Variants in PPP4R4 observed in about 807,000 individuals in gnomAD.
PPP4R4 encodes the protein protein phosphatase 4 regulatory subunit 4, also known as serine/threonine-protein phosphatase 4 regulatory subunit 4.
Under a neutral mutation model 121.8 loss-of-function variants are expected in PPP4R4, and 70 were observed. That is an observed-to-expected ratio of 0.57 (90% confidence interval 0.47 to 0.70). The LOEUF (loss-of-function observed/expected upper bound fraction) is 0.70. Among genes scored for constraint, PPP4R4 ranks in the 30% least tolerant of loss-of-function variants. PPP4R4 has a pLI of 0.00. For synonymous variants in PPP4R4, 348 were observed against 355.7 expected, an observed-to-expected ratio of 0.98 and a Z score of 0.24; for missense variants, 875 against 1,033.6, an observed-to-expected ratio of 0.85 and a Z score of 2.10.
chr14:94,208,988 A>T (rs111978190), intron 3 of PPP4R4, among the ~76,000 whole-genome samples: 3 of 151,974 alleles, frequency 2.0e-5, no homozygotes, highest in Non-Finnish European at 4.4e-5. Context: ...TCAGATAAAG[A>T]TTGAATTATA....
intron 23 of PPP4R4, among the ~76,000 whole-genome samples, chr14:94,271,637 C>G (rs186007781): frequency 1.3e-5 from 2 of 152,252 alleles, no homozygotes; most frequent in East Asian, 3.9e-4. Flanking sequence ...TTTTTACCAT[C>G]ATACTGGAAG....
chr14:94,254,102 A>G (rs766142359), intron 16 of PPP4R4, among the ~76,000 whole-genome samples: 1 of 152,200 alleles, frequency 6.6e-6, no homozygotes, highest in Non-Finnish European at 1.5e-5. Context: ...CTGAGATAAT[A>G]TACATAAATT....
Position 94,242,310 on chromosome 14 carries a change from C to A in PPP4R4, c.1168C>A (p.Pro390Thr). The A allele has an allele frequency of 6.2e-7, 1 of 1,611,506 alleles. No homozygotes were observed. ...CCAGGCCATGATTGTTTTTGTTGATCCTAAAAACTTCCACATGGAACTCTA... is the reference window on the plus strand; with the variant it reads ...CCAGGCCATGATTGTTTTTGTTGATACTAAAAACTTCCACATGGAACTCTA... ...NFPAMIVFVD[P>T]KNFHMELYST... Residue 390 changes from proline (P) to threonine (T), a missense_variant, in exon 11 of 25, where the codon CCT becomes ACT. Coordinates refer to ENST00000304338, the MANE Select transcript of PPP4R4 (RefSeq NM_058237.2).
chr14:94,219,392 A>G (rs1371871479), intron 3 of PPP4R4, among the ~76,000 whole-genome samples: 1 of 152,116 alleles, frequency 6.6e-6, no homozygotes, highest in Non-Finnish European at 1.5e-5. Context: ...AGGTAAAAGT[A>G]ATGTGATACC....
Position 94,223,559 on chromosome 14 carries a change from T to C in PPP4R4, c.295-7028T>C, listed in dbSNP as rs550349349. On this transcript the variant is annotated intron_variant, in intron 3 of 24. Transcript: ENST00000304338. ...AAGACCCTCTTCTAGAATCAGCAAA[T>C]ACCCCCAGGCCCAAAGCAGGCCCCA... Among the ~76,000 whole-genome samples, 488 of 151,986 alleles carry C rather than the reference T, an allele frequency of 3.2e-3. 2 individuals are homozygous for C. The highest frequency in any genetic ancestry group is 7.7e-3 in the African/African-American group (320 of 41,520).
chr14:94,218,445 C>T (rs1891165016), intron 3 of PPP4R4, among the ~76,000 whole-genome samples: 1 of 120,038 alleles, frequency 8.3e-6, no homozygotes, highest in Admixed American at 8.6e-5. Context: ...CACACACACA[C>T]CCTCACCCCT....
chr14:94,230,774 GT>G lies in PPP4R4; in HGVS notation c.442+47del, dbSNP rs757521821. 10 of 1,550,440 alleles carry G rather than the reference GT, an allele frequency of 6.4e-6. No homozygotes were observed. In the African/African-American group the frequency reaches 1.1e-4, roughly 17 times the overall value. On this transcript the variant is annotated intron_variant, in intron 4 of 24. Transcript: ENST00000304338. ...ATGCTTAATTATATACTTGTTTATT[GT>G]TTTTTTGTGTATGGCCATGATATTA...
At chr14:94,188,091 T>C (rs1175711223) in intron 2 of PPP4R4, among the ~76,000 whole-genome samples, 1 of 152,204 alleles carries the variant, frequency 6.6e-6, no homozygotes, top group African/African-American at 2.4e-5. Context: ...CTTTTTTTTA[T>C]AGATACCATT....
At chr14:94,252,959 A>G (rs978474483) in intron 16 of PPP4R4, among the ~76,000 whole-genome samples, 1 of 152,240 alleles carries the variant, frequency 6.6e-6, no homozygotes, top group African/African-American at 2.4e-5. Flanking sequence ...ATATATGAAG[A>G]TGAATTGTCA....
At chr14:94,237,513 C>T (rs1892403941) in intron 7 of PPP4R4, 52 bp from the exon 8 acceptor site, 6 of 1,539,744 alleles carry the variant, frequency 3.9e-6, no homozygotes, top group Non-Finnish European at 5.3e-6. Context: ...TAGTAAGTTC[C>T]TGCTACACAT....
In PPP4R4 at chr14:94,246,489, C is replaced by G; in HGVS notation, c.1561C>G (p.Gln521Glu). 6.2e-7 allele frequency: 1 copy of G among 1,613,988 alleles called. No individual in the cohort carries two copies. The highest frequency in any genetic ancestry group is 8.5e-7 in the Non-Finnish European group (1 of 1,179,884). Reference sequence around the variant, plus strand: ...CCTGCCACATGTCATATCAAGCGATCAGATTTATTACCGTTTCTTACAAAG... The same window carrying G: ...CCTGCCACATGTCATATCAAGCGATGAGATTTATTACCGTTTCTTACAAAG... Reference protein sequence around the residue: ...ACLPHVISSDQIYYRFLQRMF... With the variant: ...ACLPHVISSDEIYYRFLQRMF... The change falls in exon 14 of 25, where the codon CAG becomes GAG. Residue 521 changes from glutamine to glutamate, a missense_variant. Coordinates refer to ENST00000304338, the MANE Select transcript of PPP4R4 (RefSeq NM_058237.2).
chr14:94,264,931 A>G lies in PPP4R4; in HGVS notation c.2181A>G (p.Lys727=). The G allele has an allele frequency of 4.4e-6, 7 of 1,597,582 alleles. No individual in the cohort carries two copies. The highest frequency in any genetic ancestry group is 6.0e-6 in the Non-Finnish European group (7 of 1,174,578). Residue 727 remains lysine, a synonymous_variant, in exon 20 of 25, where the codon AAA becomes AAG. Coordinates refer to ENST00000304338, the MANE Select transcript of PPP4R4 (RefSeq NM_058237.2). The part of the protein sequence containing the change: ...QQNDGRPMSD[K]MFEKKRRDTK... ...ATGATGGAAGGCCCATGAGTGATAA[A>G]ATGTTTGAAAAGAAACGTAAGTAGT...
rs1893647616 is a variant in PPP4R4, at chr14:94,259,321, T to A, written c.2079T>A (p.Asp693Glu). ...DAFQKKFYEK[D>E]LLDQEKEREE... ...TTCAGAAAAAGTTTTATGAGAAAGA[T>A]TTGTTGGATCAAGAGAAAGAAAGAG... Residue 693 changes from aspartate to glutamate, a missense_variant, in exon 19 of 25, where the codon GAT becomes GAA. Coordinates refer to ENST00000304338, the MANE Select transcript of PPP4R4 (RefSeq NM_058237.2). 6.2e-7 allele frequency: 1 copy of A among 1,609,210 alleles called. No homozygotes were observed. Among genetic ancestry groups the A allele is most frequent in the Non-Finnish European group, 8.5e-7 (1 of 1,178,622 alleles).
intron 2 of PPP4R4, among the ~76,000 whole-genome samples, chr14:94,194,409 T>C (rs529434449): frequency 6.6e-6 from 1 of 152,332 alleles, no homozygotes; most frequent in African/African-American, 2.4e-5. Context: ...GATGATTGTT[T>C]CCTGTGCCGG....
intron 1 of PPP4R4, among the ~76,000 whole-genome samples, chr14:94,175,074 T>G (rs1455650753): frequency 5.3e-5 from 8 of 149,662 alleles, no homozygotes; most frequent in Non-Finnish European, 1.2e-4. Flanking sequence ...CCGCCCGGGT[T>G]CTGGCCCCAG....
At chr14:94,233,419 AACTTT>A (rs1481029976) in intron 5 of PPP4R4, among the ~76,000 whole-genome samples, 2 of 152,194 alleles carry the variant, frequency 1.3e-5, no homozygotes, top group Admixed American at 6.5e-5. Context: ...AATCACCATA[AACTTT>A]ACTTCAGTTT....
intron 6 of PPP4R4, 112 bp downstream of exon 6, chr14:94,233,871 C>G: frequency 1.4e-6 from 1 of 723,494 alleles, no homozygotes; most frequent in Non-Finnish European, 2.3e-6. Context: ...ATTTAGTTAT[C>G]TTAACTATTT....
At chr14:94,276,845 G>A (rs149551517) in intron 24 of PPP4R4, among the ~76,000 whole-genome samples, 36 of 152,076 alleles carry the variant, frequency 2.4e-4, no homozygotes, top group African/African-American at 8.4e-4. Context: ...CTCAAGGAAA[G>A]AGGACCAATG....
intron 23 of PPP4R4, among the ~76,000 whole-genome samples, chr14:94,268,064 A>G (rs1361727859): frequency 6.6e-6 from 1 of 152,248 alleles, no homozygotes; most frequent in Non-Finnish European, 1.5e-5. Flanking sequence ...AATTTTCCCC[A>G]TATCTTGGAC....
Sources: allele counts gnomAD v4.1 joint callset (sites outside exome capture counted in the v4.1 genomes callset), GRCh38; gene constraint gnomAD v4.1.1; transcripts MANE v1.5; gene names NCBI Gene and HGNC (gene_info 2026-07-23, HGNC 2026-07-21).